Variants in DLGAP2 observed in about 807,000 individuals in gnomAD.
DLGAP2 encodes the protein DLG associated protein 2, also known as disks large-associated protein 2.
Under a neutral mutation model 100.3 loss-of-function variants are expected in DLGAP2, and 26 were observed. The observed-to-expected ratio is 0.26, with a 90% CI of 0.19 to 0.36. The LOEUF (loss-of-function observed/expected upper bound fraction) is 0.36, where lower values mean the gene tolerates loss of function less well. DLGAP2 is among the 10% of genes least tolerant of loss of function. The pLI is 1.00. For synonymous variants in DLGAP2, 886 were observed against 630.1 expected (o/e 1.41, Z -6.08); for missense variants, 1,858 against 1,453.2 (o/e 1.28, Z -4.53).
At chr8:990,148 C>A (rs1453244246) in intron 2 of DLGAP2, among the ~76,000 whole-genome samples, 1 of 151,980 alleles carries the variant, frequency 6.6e-6, no homozygotes, top group African/African-American at 2.4e-5. Context: ...GATTTGAGCT[C>A]CATCCATGGT....
chr8:956,350 C>G (rs927275382), intron 2 of DLGAP2, among the ~76,000 whole-genome samples: 5 of 152,182 alleles, frequency 3.3e-5, no homozygotes, highest in Non-Finnish European at 7.3e-5. Flanking sequence ...CCCCAGAAAG[C>G]TCATGGTTAT....
In DLGAP2 at chr8:1,603,169, G is replaced by T. The variant is rs572393178; in HGVS notation, c.1443-23571G>T. 2.9e-4 allele frequency among the ~76,000 whole-genome samples: 44 copies of T among 151,664 alleles called. 1 individual carries two copies. Among genetic ancestry groups the T allele is most frequent in the Admixed American group, 2.8e-3 (43 of 15,252 alleles). ...GTGGAGGCTGGGTCTCAGTTCTACA[G>T]AGGCTGGTTAGAGTGGAGGCTGGGT... On this transcript the variant is annotated intron_variant, in intron 6 of 14. Coordinates refer to ENST00000637795, the MANE Select transcript of DLGAP2 (RefSeq NM_001346810.2).
intron 3 of DLGAP2, among the ~76,000 whole-genome samples, chr8:1,392,619 T>C (rs1775136654): frequency 6.6e-6 from 1 of 152,216 alleles, no homozygotes; most frequent in Non-Finnish European, 1.5e-5. Flanking sequence ...ACTGTGACCC[T>C]ACATGGTGTG....
At chr8:865,734 G>A (rs868661317) in intron 1 of DLGAP2, among the ~76,000 whole-genome samples, 18 of 152,222 alleles carry the variant, frequency 1.2e-4, no homozygotes, top group Admixed American at 7.9e-4. Flanking sequence ...TGAGCTGCGT[G>A]GATGTCTGCC....
At chr8:1,562,919 T>G in intron 5 of DLGAP2, among the ~76,000 whole-genome samples, 1 of 64,498 alleles carries the variant, frequency 1.6e-5, no homozygotes, top group Non-Finnish European at 2.8e-5. Flanking sequence ...GGGGTGTCCG[T>G]GCCTCGTTAC....
intron 2 of DLGAP2, among the ~76,000 whole-genome samples, chr8:966,793 GT>G (rs1051428877): frequency 1.3e-5 from 2 of 152,220 alleles, no homozygotes; most frequent in African/African-American, 4.8e-5. Context: ...AGAAATGACT[GT>G]TGTTAGGATG....
intron 3 of DLGAP2, among the ~76,000 whole-genome samples, chr8:1,465,389 G>A (rs1317749268): frequency 6.6e-6 from 1 of 151,932 alleles, no homozygotes; most frequent in Non-Finnish European, 1.5e-5. Flanking sequence ...AGAGCGAAGG[G>A]AAGAGATGAG....
Position 1,566,440 on chromosome 8 carries a change from T to C in DLGAP2, c.1442+546T>C, listed in dbSNP as rs1006408723. ...TGAAAATATAGACAGATAAAACTCT[T>C]TGGGAAATCAGCAATTCCTATGAAC... On this transcript the variant is annotated intron_variant, in intron 6 of 14. Coordinates refer to ENST00000637795, the MANE Select transcript of DLGAP2 (RefSeq NM_001346810.2). Among the ~76,000 whole-genome samples the C allele has an allele frequency of 7.2e-5, 11 of 152,336 alleles. No individual in the cohort carries two copies. In the East Asian group the frequency reaches 1.5e-3, roughly 21 times the overall value.
intron 3 of DLGAP2, among the ~76,000 whole-genome samples, chr8:1,283,226 T>A (rs1446642581): frequency 1.4e-5 from 2 of 144,094 alleles, no homozygotes; most frequent in Non-Finnish European, 3.0e-5. Context: ...CCCAGCGCCC[T>A]GAACCATCCG....
chr8:1,325,742 A>G (rs1050618996), intron 3 of DLGAP2, among the ~76,000 whole-genome samples: 1 of 152,154 alleles, frequency 6.6e-6, no homozygotes, highest in African/African-American at 2.4e-5. Flanking sequence ...CCAAAGAAAA[A>G]TGACAGACTC....
chr8:789,119 AT>A (rs1315965004), intron 1 of DLGAP2, among the ~76,000 whole-genome samples: 1 of 152,126 alleles, frequency 6.6e-6, no homozygotes, highest in Non-Finnish European at 1.5e-5. Context: ...ATTTGCAAAT[AT>A]TTTCTCCCTG....
intron 3 of DLGAP2, among the ~76,000 whole-genome samples, chr8:1,340,140 A>G (rs1378506222): frequency 6.6e-6 from 1 of 152,230 alleles, no homozygotes; most frequent in Non-Finnish European, 1.5e-5. Flanking sequence ...ATCCCAGAAG[A>G]AAACCTAGGC....
At chr8:1,517,235 G>A (rs774518024) in intron 4 of DLGAP2, among the ~76,000 whole-genome samples, 6 of 152,164 alleles carry the variant, frequency 3.9e-5, no homozygotes, top group South Asian at 2.1e-4. Context: ...GGCAGCTGTG[G>A]GGAGGAAGAA....
intron 2 of DLGAP2, among the ~76,000 whole-genome samples, chr8:1,108,009 T>A (rs901143726): frequency 2.0e-4 from 31 of 152,196 alleles, no homozygotes; most frequent in African/African-American, 7.2e-4. Flanking sequence ...TAGTTGAGCC[T>A]GAGTTTCCAG....
chr8:839,346 G>A (rs1251452964), intron 1 of DLGAP2, among the ~76,000 whole-genome samples: 3 of 152,198 alleles, frequency 2.0e-5, no homozygotes, highest in African/African-American at 7.2e-5. Flanking sequence ...TCTAACAACA[G>A]GTGAATGGAT....
intron 6 of DLGAP2, among the ~76,000 whole-genome samples, chr8:1,578,705 C>T (rs1236483972): frequency 3.3e-5 from 5 of 152,096 alleles, no homozygotes; most frequent in Non-Finnish European, 5.9e-5. Context: ...TATATATAAG[C>T]GTTTTCACTT....
intron 3 of DLGAP2, among the ~76,000 whole-genome samples, chr8:1,354,062 G>T (rs985507848): frequency 1.5e-4 from 23 of 152,156 alleles, no homozygotes; most frequent in African/African-American, 5.1e-4. Context: ...GCAGGCTTCA[G>T]GGGGGCAATG....
intron 6 of DLGAP2, among the ~76,000 whole-genome samples, chr8:1,594,458 C>T (rs1331299417): frequency 1.3e-5 from 2 of 152,068 alleles, no homozygotes; most frequent in African/African-American, 2.4e-5. Flanking sequence ...GAAAATTTTA[C>T]TGGAAAGATT....
At chr8:1,499,431 C>G (rs79229044) in intron 3 of DLGAP2, among the ~76,000 whole-genome samples, 1 of 152,300 alleles carries the variant, frequency 6.6e-6, no homozygotes, top group South Asian at 2.1e-4. Context: ...CACAGCTGGA[C>G]GCTCTGTTCT....
Sources: gnomAD v4.1 joint callset for allele counts (sites outside exome capture counted in the v4.1 genomes callset) on GRCh38, gnomAD v4.1.1 for gene constraint, MANE v1.5 for transcripts, NCBI Gene and HGNC (gene_info 2026-07-23, HGNC 2026-07-21) for gene names.